The following RBFOX1 variants were observed in gnomAD, a reference collection of about 807,000 sequenced individuals.
The protein encoded by RBFOX1 is RNA binding fox-1 homolog 1, also known as RNA binding protein fox-1 homolog 1.
RBFOX1 carries 8 observed loss-of-function variants against 57.7 expected under a neutral mutation model. The ratio of observed to expected loss-of-function variants is 0.14; its 90% CI spans 0.08 to 0.25. The LOEUF (loss-of-function observed/expected upper bound fraction) is 0.25, where lower values mean the gene tolerates loss of function less well. RBFOX1 is among the 10% of genes least tolerant of loss of function. RBFOX1 has a pLI of 1.00. For missense variants in RBFOX1, 611 were observed against 548.5 expected, an observed-to-expected ratio of 1.11 and a Z score of -1.14; for synonymous variants, 326 against 222.4, an observed-to-expected ratio of 1.47 and a Z score of -4.15.
At chr16:5,922,360 T>G (rs1399389410) in intron 4 of RBFOX1, among the ~76,000 whole-genome samples, 1 of 152,142 alleles carries the variant, frequency 6.6e-6, no homozygotes, top group African/African-American at 2.4e-5. Context: ...CATATAGGGA[T>G]GGACGGAAGG....
chr16:6,420,311 C>T (rs1246849801), intron 2 of RBFOX1, among the ~76,000 whole-genome samples: 1 of 151,860 alleles, frequency 6.6e-6, no homozygotes, highest in African/African-American at 2.4e-5. Context: ...GTAGTAGTAG[C>T]AATTGCCTCC....
At chr16:7,280,128 G>A (rs573412017) in intron 4 of RBFOX1, among the ~76,000 whole-genome samples, 2 of 152,322 alleles carry the variant, frequency 1.3e-5, no homozygotes, top group South Asian at 2.1e-4. Flanking sequence ...GTTTGACTTC[G>A]TTGACCACAG....
intron 2 of RBFOX1, among the ~76,000 whole-genome samples, chr16:6,532,168 C>T (rs939198090): frequency 6.6e-6 from 1 of 152,110 alleles, no homozygotes; most frequent in Non-Finnish European, 1.5e-5. Flanking sequence ...GCTAAGATGT[C>T]AAAGAAAGTT....
intron 4 of RBFOX1, among the ~76,000 whole-genome samples, chr16:7,507,115 T>C (rs763456107): frequency 1.4e-4 from 22 of 152,236 alleles, no homozygotes; most frequent in Non-Finnish European, 3.2e-4. Context: ...TTCACCATTA[T>C]GCTCTTGATG....
intron 1 of RBFOX1, among the ~76,000 whole-genome samples, chr16:5,269,970 C>T (rs1357215043): frequency 1.3e-5 from 2 of 152,068 alleles, no homozygotes; most frequent in Admixed American, 6.6e-5. Flanking sequence ...GCGTTGGCAA[C>T]ATGGCAAGAC....
At chr16:6,272,420 A>G (rs1344518965) in intron 1 of RBFOX1, among the ~76,000 whole-genome samples, 3 of 152,330 alleles carry the variant, frequency 2.0e-5, no homozygotes, top group East Asian at 1.9e-4. Flanking sequence ...TACAACTTAT[A>G]TGTGAAAAAC....
intron 4 of RBFOX1, among the ~76,000 whole-genome samples, chr16:7,386,309 G>A (rs1368912023): frequency 6.6e-6 from 1 of 152,036 alleles, no homozygotes; most frequent in Non-Finnish European, 1.5e-5. Context: ...AGCTATACAT[G>A]TGCCATGGTG....
chr16:7,653,885 T>C lies in RBFOX1; in HGVS notation c.828T>C (p.Gly276=), dbSNP rs762134192. The change falls in exon 12 of 16, where the codon GGT becomes GGC. Residue 276 remains glycine (G), a synonymous_variant. Transcript: ENST00000550418. The part of the protein sequence containing the change: ...AYRGAHLRGR[G]RTVYNTFRAA... Reference sequence around the variant, plus strand: ...GAGGGGCGCACCTGCGAGGCCGCGGTCGCACCGTGTACAACACCTTCAGGG... The same window carrying C: ...GAGGGGCGCACCTGCGAGGCCGCGGCCGCACCGTGTACAACACCTTCAGGG... 3.7e-6 allele frequency: 6 copies of C among 1,601,758 alleles called. No individual in the cohort carries two copies. In the East Asian group the frequency reaches 6.7e-5, roughly 18 times the overall value.
At chr16:6,110,103 C>T (rs759891793) in intron 1 of RBFOX1, among the ~76,000 whole-genome samples, 26 of 151,866 alleles carry the variant, frequency 1.7e-4, no homozygotes, top group African/African-American at 6.0e-4. Context: ...AATCCATCAG[C>T]ACATCTACTG....
At chr16:7,615,354 A>G (rs1217498866) in intron 10 of RBFOX1, among the ~76,000 whole-genome samples, 6 of 152,104 alleles carry the variant, frequency 3.9e-5, no homozygotes, top group Non-Finnish European at 8.8e-5. Flanking sequence ...AATAATAATA[A>G]TAATGAATGA....
chr16:7,469,562 A>C (rs1261824753), intron 4 of RBFOX1, among the ~76,000 whole-genome samples: 1 of 152,150 alleles, frequency 6.6e-6, no homozygotes, highest in Non-Finnish European at 1.5e-5. Flanking sequence ...TTTTATTTTG[A>C]AATAGTTTTA....
chr16:6,816,323 T>C (rs943558206), intron 3 of RBFOX1, among the ~76,000 whole-genome samples: 1 of 152,070 alleles, frequency 6.6e-6, no homozygotes, highest in Non-Finnish European at 1.5e-5. Flanking sequence ...AATCATTCAG[T>C]CAACAATCAT....
intron 1 of RBFOX1, among the ~76,000 whole-genome samples, chr16:5,264,891 A>G (rs1361089906): frequency 2.6e-5 from 4 of 152,158 alleles, no homozygotes; most frequent in African/African-American, 9.7e-5. Flanking sequence ...ACCTCCCTGC[A>G]GATGTAGCAT....
chr16:6,981,963 C>T (rs1382181981), intron 3 of RBFOX1, among the ~76,000 whole-genome samples: 2 of 152,180 alleles, frequency 1.3e-5, no homozygotes, highest in Admixed American at 6.5e-5. Flanking sequence ...TTTATTGGCA[C>T]ATGAAAATAC....
chr16:6,620,118 AT>A (rs555292608), intron 2 of RBFOX1, among the ~76,000 whole-genome samples: 123 of 152,328 alleles, frequency 8.1e-4, no homozygotes, highest in African/African-American at 2.9e-3. Context: ...ATTGGTAGGC[AT>A]TTAGGTTAAA....
chr16:5,930,900 G>A (rs1009267460), intron 4 of RBFOX1, among the ~76,000 whole-genome samples: 32 of 140,688 alleles, frequency 2.3e-4, no homozygotes, highest in Non-Finnish European at 4.2e-4. Context: ...GTGGATGGAT[G>A]CATGGATGGG....
chr16:5,983,933 T>TCCTCCCCCTCCTCCTCCTCCTCCC, intron 4 of RBFOX1, among the ~76,000 whole-genome samples: 1 of 124,372 alleles, frequency 8.0e-6, no homozygotes, highest in Non-Finnish European at 1.7e-5. Flanking sequence ...CTCCCCCTCC[T>TCCTCCCCCTCCTCCTCCTCCTCCC]CCTCCTCCTC....
At chr16:5,309,252 A>C (rs1322735380) in intron 1 of RBFOX1, among the ~76,000 whole-genome samples, 1 of 152,190 alleles carries the variant, frequency 6.6e-6, no homozygotes, top group African/African-American at 2.4e-5. Context: ...AGTGTTTAAA[A>C]GGTTTTTCTC....
At chr16:5,900,516 G>A (rs1396471711) in intron 4 of RBFOX1, among the ~76,000 whole-genome samples, 1 of 152,134 alleles carries the variant, frequency 6.6e-6, no homozygotes, top group African/African-American at 2.4e-5. Flanking sequence ...TTTTGCCCCA[G>A]AGTAGAAATC....
Sources: allele counts gnomAD v4.1 joint callset (sites outside exome capture counted in the v4.1 genomes callset), GRCh38; gene constraint gnomAD v4.1.1; transcripts MANE v1.5; gene names NCBI Gene and HGNC (gene_info 2026-07-23, HGNC 2026-07-21).